NAV3: variants seen among roughly 807,000 people sequenced by gnomAD.
NAV3 encodes the protein pore membrane and/or filament interacting like protein 1.
A neutral mutation model predicts 244.7 loss-of-function variants in NAV3; 87 were observed. The observed-to-expected ratio is 0.36, with a 90% CI of 0.30 to 0.42. The LOEUF (loss-of-function observed/expected upper bound fraction) is 0.42, where lower values mean the gene tolerates loss of function less well. Among genes scored for constraint, NAV3 ranks in the 20% least tolerant of loss-of-function variants. The probability of loss-of-function intolerance (pLI) is 1.00; values close to 1 mark genes in which losing one functional copy is unlikely to be tolerated. For missense variants in NAV3, 2,663 were observed against 2,893.3 expected (o/e 0.92, Z 1.83); for synonymous variants, 1,126 against 1,042.2 (o/e 1.08, Z -1.55).
intron 3 of NAV3, among the ~76,000 whole-genome samples, chr12:77,947,850 C>G (rs756738054): frequency 5.3e-5 from 8 of 151,992 alleles, no homozygotes; most frequent in Non-Finnish European, 1.0e-4. Flanking sequence ...AGAGGTTGCT[C>G]CACACACTAG....
intron 26 of NAV3, 88 bp from the exon 27 acceptor site, chr12:78,177,053 C>G: frequency 1.5e-6 from 2 of 1,369,876 alleles, no homozygotes; most frequent in Non-Finnish European, 2.1e-6. Context: ...CAGGCAGTGG[C>G]TAGGATGGCA....
At chr12:77,836,778 T>C (rs772778542) in intron 1 of NAV3, among the ~76,000 whole-genome samples, 2 of 152,198 alleles carry the variant, frequency 1.3e-5, no homozygotes, top group Non-Finnish European at 2.9e-5. Context: ...TATAGACAAA[T>C]TGGTGTGGAT....
At chr12:78,113,243 T>A (rs780322135) in intron 12 of NAV3, among the ~76,000 whole-genome samples, 1 of 152,230 alleles carries the variant, frequency 6.6e-6, no homozygotes, top group Non-Finnish European at 1.5e-5. Flanking sequence ...TAGGTGGATC[T>A]ACCATTCTGT....
At chr12:77,820,501 T>C (rs1188303656) in intron 2 of NAV3, among the ~76,000 whole-genome samples, 2 of 152,146 alleles carry the variant, frequency 1.3e-5, no homozygotes, top group Non-Finnish European at 2.9e-5. Flanking sequence ...ATTCAATCAC[T>C]TTCCAAAGGC....
chr12:77,954,348 G>C (rs778771042), intron 3 of NAV3, among the ~76,000 whole-genome samples: 1 of 152,146 alleles, frequency 6.6e-6, no homozygotes, highest in Non-Finnish European at 1.5e-5. Flanking sequence ...CAGAGGCTGC[G>C]AATAGCTTAG....
intron 2 of NAV3, among the ~76,000 whole-genome samples, chr12:77,683,336 T>C (rs920047522): frequency 1.3e-5 from 2 of 152,108 alleles, no homozygotes; most frequent in Non-Finnish European, 2.9e-5. Context: ...TATAGTTTTA[T>C]CTCTGGATAC....
intron 1 of NAV3, among the ~76,000 whole-genome samples, chr12:77,899,321 C>T (rs1199383162): frequency 6.6e-6 from 1 of 152,212 alleles, no homozygotes; most frequent in Non-Finnish European, 1.5e-5. Context: ...CTGCAGAGAA[C>T]TCTTTCATGA....
chr12:78,158,787 T>A (rs1957408564), intron 22 of NAV3, among the ~76,000 whole-genome samples: 1 of 152,184 alleles, frequency 6.6e-6, no homozygotes, highest in Non-Finnish European at 1.5e-5. Context: ...AAGGTCATCA[T>A]GAAAGTATAA....
At chr12:77,874,656 T>C (rs1411914671) in intron 1 of NAV3, among the ~76,000 whole-genome samples, 4 of 152,142 alleles carry the variant, frequency 2.6e-5, no homozygotes, top group Non-Finnish European at 5.9e-5. Context: ...TATTAGTGAA[T>C]GTGTGTAAAG....
At chr12:77,736,128 A>AT (rs1877324395) in intron 2 of NAV3, among the ~76,000 whole-genome samples, 1 of 152,206 alleles carries the variant, frequency 6.6e-6, no homozygotes, top group African/African-American at 2.4e-5. Context: ...AAGTAAACAT[A>AT]TTTTAGGCCA....
chr12:77,645,413 T>C (rs1872568104), intron 2 of NAV3, among the ~76,000 whole-genome samples: 1 of 151,108 alleles, frequency 6.6e-6, no homozygotes, highest in African/African-American at 2.4e-5. Context: ...TCAAAGACAG[T>C]GTAAGAGGGT....
intron 1 of NAV3, among the ~76,000 whole-genome samples, chr12:77,882,574 A>G (rs762294627): frequency 2.0e-5 from 3 of 152,204 alleles, no homozygotes; most frequent in Non-Finnish European, 4.4e-5. Flanking sequence ...ACAAAAATTG[A>G]CAAGTTGGAC....
At chr12:77,772,921 T>C (rs1459657874) in intron 2 of NAV3, among the ~76,000 whole-genome samples, 2 of 152,218 alleles carry the variant, frequency 1.3e-5, no homozygotes, top group African/African-American at 4.8e-5. Flanking sequence ...CATTATGACT[T>C]GTCATGAATA....
At chr12:78,007,553 A>G in intron 8 of NAV3, 108 bp downstream of exon 8, 1 of 1,232,646 alleles carries the variant, frequency 8.1e-7, no homozygotes, top group South Asian at 1.6e-5. Flanking sequence ...GTCATTTTGG[A>G]GTAAAGTTTC....
At chr12:77,783,669 G>A (rs1870776820) in intron 2 of NAV3, 1 of 152,310 alleles carries the variant, frequency 6.6e-6, no homozygotes, top group African/African-American at 2.4e-5. Flanking sequence ...GAATGAATAG[G>A]ACTGGAAATG....
intron 39 of NAV3, among the ~76,000 whole-genome samples, chr12:78,206,245 A>G (rs1378344743): frequency 6.6e-6 from 1 of 152,158 alleles, no homozygotes; most frequent in Non-Finnish European, 1.5e-5. Flanking sequence ...AAGAGCCCAG[A>G]CTTATATTTT....
intron 2 of NAV3, among the ~76,000 whole-genome samples, chr12:77,579,028 G>A (rs1869226351): frequency 1.3e-5 from 2 of 152,236 alleles, no homozygotes; most frequent in African/African-American, 2.4e-5. Flanking sequence ...TTCCCTGTGA[G>A]GAAGCTATAT....
chr12:78,029,660 C>G (rs1405622737), intron 9 of NAV3, among the ~76,000 whole-genome samples: 1 of 152,084 alleles, frequency 6.6e-6, no homozygotes, highest in Non-Finnish European at 1.5e-5. Flanking sequence ...ACCTTTTAAT[C>G]CAAATACAGC....
chr12:77,644,892 G>T (rs371049125), intron 2 of NAV3, among the ~76,000 whole-genome samples: 1 of 152,060 alleles, frequency 6.6e-6, no homozygotes, highest in Non-Finnish European at 1.5e-5. Flanking sequence ...TAAGTCAAAG[G>T]CATACCTGAA....
Sources: allele counts gnomAD v4.1 joint callset (sites outside exome capture counted in the v4.1 genomes callset), GRCh38; gene constraint gnomAD v4.1.1; transcripts MANE v1.5; gene names NCBI Gene and HGNC (gene_info 2026-07-23, HGNC 2026-07-21).